The following ELAPOR2 variants were observed in gnomAD, a reference collection of about 807,000 sequenced individuals.
ELAPOR2 encodes the protein endosome/lysosome-associated apoptosis and autophagy regulator family member 2.
In ELAPOR2, 89 loss-of-function variants were observed where a neutral mutation model predicts 120.7. The ratio of observed to expected loss-of-function variants is 0.74; its 90% CI spans 0.62 to 0.88. The LOEUF (loss-of-function observed/expected upper bound fraction) is 0.88. Among genes scored for constraint, ELAPOR2 ranks in the 40% least tolerant of loss-of-function variants. The pLI, the probability that ELAPOR2 is intolerant of heterozygous loss-of-function variation, is 0.00. For synonymous variants in ELAPOR2, 444 were observed against 444.9 expected, an observed-to-expected ratio of 1.00 and a Z score of 0.03; for missense variants, 1,134 against 1,251.6, an observed-to-expected ratio of 0.91 and a Z score of 1.42.
chr7:87,020,743 TTA>T (rs1794012046), intron 1 of ELAPOR2, among the ~76,000 whole-genome samples: 1 of 152,100 alleles, frequency 6.6e-6, no homozygotes, highest in Non-Finnish European at 1.5e-5. Context: ...ATGATTAATT[TTA>T]TGTTAAATGA....
intron 18 of ELAPOR2, among the ~76,000 whole-genome samples, chr7:86,900,447 A>G (rs896724380): frequency 6.6e-6 from 1 of 152,212 alleles, no homozygotes; most frequent in African/African-American, 2.4e-5. Flanking sequence ...ACAATTTTGG[A>G]AAGTTTAAAG....
intron 8 of ELAPOR2, among the ~76,000 whole-genome samples, chr7:86,934,102 T>C (rs1485343078): frequency 6.6e-6 from 1 of 152,030 alleles, no homozygotes; most frequent in East Asian, 1.9e-4. Context: ...AATTTATCTA[T>C]GTTATACATC....
intron 18 of ELAPOR2, 88 bp from the exon 19 acceptor site, chr7:86,897,720 C>T (rs1788511042): frequency 6.9e-7 from 1 of 1,450,630 alleles, no homozygotes; most frequent in African/African-American, 1.4e-5. Context: ...ATACCTATCA[C>T]ATGCTGGGGA....
rs540650796 is a variant in ELAPOR2, at chr7:86,978,653, G to T, written c.190-13629C>A. Among the ~76,000 whole-genome samples, 32 of 152,296 alleles carry T rather than the reference G, an allele frequency of 2.1e-4. 1 individual carries two copies. Among genetic ancestry groups the T allele is most frequent in the Non-Finnish European group, 3.8e-4 (26 of 68,030 alleles). On this transcript the variant is annotated intron_variant, in intron 1 of 21. Coordinates refer to ENST00000450689, the MANE Select transcript of ELAPOR2 (RefSeq NM_001142749.3). ...AGGCAAGAACTTGATTATCATCCCA[G>T]CACCATCATTTTTCCAACTGTGTGC...
chr7:87,023,019 G>T (rs1794112770), intron 1 of ELAPOR2, among the ~76,000 whole-genome samples: 1 of 152,144 alleles, frequency 6.6e-6, no homozygotes, highest in South Asian at 2.1e-4. Context: ...CTCCCATTCT[G>T]TAAGTTGCCT....
chr7:87,054,984 C>T (rs556612569), intron 1 of ELAPOR2, among the ~76,000 whole-genome samples: 3 of 152,218 alleles, frequency 2.0e-5, no homozygotes, highest in Non-Finnish European at 2.9e-5. Context: ...GTGAACTCCT[C>T]GGTTTCTGTC....
At chr7:86,888,702 T>A (rs1239285419) in intron 21 of ELAPOR2, among the ~76,000 whole-genome samples, 2 of 152,092 alleles carry the variant, frequency 1.3e-5, no homozygotes, top group Non-Finnish European at 2.9e-5. Context: ...TAGTTTGCAG[T>A]GTGGACAAAC....
chr7:86,984,071 C>A (rs1792616266), intron 1 of ELAPOR2, among the ~76,000 whole-genome samples: 1 of 151,996 alleles, frequency 6.6e-6, no homozygotes, highest in South Asian at 2.1e-4. Context: ...GAGTTTAAAC[C>A]AACAAAGATC....
chr7:86,983,694 C>T (rs1228291695), intron 1 of ELAPOR2, among the ~76,000 whole-genome samples: 1 of 152,186 alleles, frequency 6.6e-6, no homozygotes, highest in Non-Finnish European at 1.5e-5. Flanking sequence ...AAGCACTAAA[C>T]ATGGGAAGGA....
At chr7:86,937,359 A>T (rs1308294608) in intron 8 of ELAPOR2, among the ~76,000 whole-genome samples, 1 of 152,112 alleles carries the variant, frequency 6.6e-6, no homozygotes, top group Non-Finnish European at 1.5e-5. Context: ...ACATCTATAT[A>T]TGCTTTCCAA....
intron 21 of ELAPOR2, among the ~76,000 whole-genome samples, chr7:86,885,931 T>G (rs947809646): frequency 5.3e-5 from 8 of 152,134 alleles, no homozygotes; most frequent in African/African-American, 1.9e-4. Context: ...GAAGGGCCAG[T>G]AGGCAGTAGG....
At chr7:87,051,161 A>G (rs1407777350) in intron 1 of ELAPOR2, among the ~76,000 whole-genome samples, 4 of 152,220 alleles carry the variant, frequency 2.6e-5, no homozygotes, top group Non-Finnish European at 5.9e-5. Context: ...TAAGGATGAC[A>G]GAAAAGACAG....
chr7:86,919,985 G>T (rs1789753834), intron 10 of ELAPOR2, among the ~76,000 whole-genome samples: 1 of 152,022 alleles, frequency 6.6e-6, no homozygotes, highest in Non-Finnish European at 1.5e-5. Flanking sequence ...GAGGAAGAGA[G>T]AGGCCTCTCC....
chr7:87,008,921 C>T (rs930679837), intron 1 of ELAPOR2, among the ~76,000 whole-genome samples: 2 of 151,824 alleles, frequency 1.3e-5, no homozygotes, highest in Non-Finnish European at 1.5e-5. Context: ...AAAAAGGAAT[C>T]GGGGAAACAT....
In ELAPOR2 at chr7:86,918,467, G is replaced by A. The variant is rs1562921333; in HGVS notation, c.1568C>T (p.Ala523Val). 1.9e-6 allele frequency: 3 copies of A among 1,612,674 alleles called. No individual in the cohort carries two copies. The highest frequency in any genetic ancestry group is 2.5e-6 in the Non-Finnish European group (3 of 1,179,080). The change falls in exon 12 of 22, where the codon GCT (alanine) becomes GTT (valine). Residue 523 changes from alanine to valine, a missense_variant. Coordinates refer to ENST00000450689, the MANE Select transcript of ELAPOR2 (RefSeq NM_001142749.3). ...CACCATGAAGTACAAAACACAGTCA[G>A]CTGAACAGAGGGTCTCAAAGACAAA... ...ITFVFETLCS[A>V]DCVLYFMVDI...
chr7:86,993,023 G>GTCAAGAGA (rs1268098173), intron 1 of ELAPOR2, among the ~76,000 whole-genome samples: 1 of 151,934 alleles, frequency 6.6e-6, no homozygotes, highest in Admixed American at 6.6e-5. Flanking sequence ...GGATCACGAG[G>GTCAAGAGA]TCAAGAGATC....
intron 1 of ELAPOR2, among the ~76,000 whole-genome samples, chr7:86,983,454 C>T (rs4262263): frequency 0.14 from 21,895 of 152,018 alleles, 1,884 homozygotes; most frequent in African/African-American, 0.23. Context: ...GGGTTACCCA[C>T]AAAGGGAAGC....
intron 19 of ELAPOR2, among the ~76,000 whole-genome samples, chr7:86,896,920 T>C (rs1788463547): frequency 6.6e-6 from 1 of 152,106 alleles, no homozygotes; most frequent in East Asian, 1.9e-4. Context: ...CAGAGTTATG[T>C]ACAAAAAGAT....
intron 1 of ELAPOR2, among the ~76,000 whole-genome samples, chr7:86,994,639 G>A (rs1793064002): frequency 6.6e-6 from 1 of 152,090 alleles, no homozygotes; most frequent in African/African-American, 2.4e-5. Flanking sequence ...TGGGCAGGGT[G>A]GTTAGTTTCA....
Sources: allele counts gnomAD v4.1 joint callset (sites outside exome capture counted in the v4.1 genomes callset), GRCh38; gene constraint gnomAD v4.1.1; transcripts MANE v1.5; gene names NCBI Gene and HGNC (gene_info 2026-07-23, HGNC 2026-07-21).